MRTFB: variants seen among roughly 807,000 people sequenced by gnomAD.
The protein encoded by MRTFB is myocardin related transcription factor B.
In MRTFB, 29 loss-of-function variants were observed where a neutral mutation model predicts 104.2. The ratio of observed to expected loss-of-function variants is 0.28; its 90% CI spans 0.21 to 0.38. The LOEUF is 0.38. MRTFB is among the 10% of genes least tolerant of loss of function. MRTFB has a pLI of 1.00. For synonymous variants in MRTFB, 535 were observed against 519.5 expected (o/e 1.03, Z -0.41); for missense variants, 1,270 against 1,341.6 (o/e 0.95, Z 0.83).
At chr16:14,049,911 T>C in the MRTFB span, among the ~76,000 whole-genome samples, 8 of 152,210 alleles carry the variant, frequency 5.3e-5, no homozygotes, top group Admixed American at 4.6e-4. Context: ...TTTTGTGTTT[T>C]TAGTAGAGAC....
At position 14,184,072 on chromosome 16, in the gene MRTFB, TAAAAAAAAAA is replaced by T. The variant is rs71757134; in HGVS notation, c.155-26158_155-26149del. 6.6e-5 allele frequency among the ~76,000 whole-genome samples: 8 copies of T among 121,770 alleles called. No homozygotes were observed. In the East Asian group the frequency reaches 1.3e-3, roughly 19 times the overall value. 79.9% of individuals were successfully genotyped at this position (121,770 alleles called of 152,430 possible). A position where few individuals can be genotyped will look rare whatever the true frequency, so the allele number is the denominator to read the frequency against. ...GATTTAAAAGCAACATCCTGAAATT[TAAAAAAAAAA>T]AAAAAAAAAAAAGTTGGCATTTATT... On this transcript the variant is annotated intron_variant, in intron 3 of 16. Coordinates refer to ENST00000571589, the MANE Select transcript of MRTFB (RefSeq NM_001308142.2).
intron 3 of MRTFB, among the ~76,000 whole-genome samples, chr16:14,197,741 G>T (rs34183481): frequency 2.0e-5 from 3 of 152,062 alleles, no homozygotes; most frequent in Non-Finnish European, 2.9e-5. Flanking sequence ...GATATCTAGC[G>T]TGCAGTGTGA....
chr16:14,167,282 T>C (rs1371677792), intron 3 of MRTFB, among the ~76,000 whole-genome samples: 1 of 152,218 alleles, frequency 6.6e-6, no homozygotes, highest in African/African-American at 2.4e-5. Flanking sequence ...TTTCCAGATG[T>C]TTGTTGTTTG....
At chr16:14,236,807 T>G (rs893983413) in intron 9 of MRTFB, among the ~76,000 whole-genome samples, 1 of 152,106 alleles carries the variant, frequency 6.6e-6, no homozygotes, top group Admixed American at 6.6e-5. Context: ...ATTTTTGAGC[T>G]GATATGTTAG....
rs541630382 is a variant in MRTFB at position 14,072,067 on chromosome 16, A to G, written c.-129+702A>G. Among the ~76,000 whole-genome samples the G allele has an allele frequency of 6.6e-5, 10 of 152,256 alleles. No individual in the cohort carries two copies. The East Asian group carries it at 7.8e-4, about 12-fold the overall frequency. The stretch of plus-strand genomic sequence containing the variant: ...TGCTGGTAGTGGGGTGTCAGGCCCA[A>G]TGAAGTGGAATATTGGAGCCCAGGG... On this transcript the variant is annotated intron_variant, in intron 1 of 16. Transcript: ENST00000571589.
chr16:14,209,038 T>C (rs1396619465), intron 3 of MRTFB, among the ~76,000 whole-genome samples: 1 of 152,192 alleles, frequency 6.6e-6, no homozygotes, highest in Non-Finnish European at 1.5e-5. Context: ...TGATAAAATA[T>C]TTTTAAAAGC....
chr16:14,191,106 A>G (rs553433978), intron 3 of MRTFB, among the ~76,000 whole-genome samples: 1 of 152,368 alleles, frequency 6.6e-6, no homozygotes, highest in Admixed American at 6.5e-5. Context: ...TTTTTAAATG[A>G]TGGAAGTTAT....
the MRTFB span, among the ~76,000 whole-genome samples, chr16:14,059,774 G>C: frequency 6.6e-6 from 1 of 152,118 alleles, no homozygotes; most frequent in Non-Finnish European, 1.5e-5. Flanking sequence ...GAGAAGCTTG[G>C]AGTTGGCTAG....
chr16:14,112,755 C>T (rs1332565773), intron 2 of MRTFB, among the ~76,000 whole-genome samples: 1 of 152,216 alleles, frequency 6.6e-6, no homozygotes, highest in Non-Finnish European at 1.5e-5. Context: ...TTTGCACTTG[C>T]TATTGCCATC....
chr16:14,236,795 A>G lies in MRTFB; in HGVS notation c.831+2512A>G, dbSNP rs1032480468. Among the ~76,000 whole-genome samples the G allele has an allele frequency of 6.6e-5, 10 of 152,338 alleles. No homozygotes were observed. In the East Asian group the frequency reaches 1.9e-3, roughly 29 times the overall value. On this transcript the variant is annotated intron_variant, in intron 9 of 16. Coordinates refer to ENST00000571589, the MANE Select transcript of MRTFB (RefSeq NM_001308142.2). ...ACTGCTAAGGGAAGGAGCTGCTGTAACATTTTTGAGCTGATATGTTAGAAA... is the reference window on the plus strand; with the variant it reads ...ACTGCTAAGGGAAGGAGCTGCTGTAGCATTTTTGAGCTGATATGTTAGAAA...
chr16:14,191,944 A>G (rs1181843867), intron 3 of MRTFB: 1 of 152,220 alleles, frequency 6.6e-6, no homozygotes, highest in African/African-American at 2.4e-5. Context: ...AATGGTTAAA[A>G]CATATAGAAG....
chr16:14,023,959 G>A, the MRTFB span, among the ~76,000 whole-genome samples: 1 of 151,928 alleles, frequency 6.6e-6, no homozygotes, highest in African/African-American at 2.4e-5. Context: ...GCTGAGGCAG[G>A]AGAGTCACTT....
chr16:14,027,178 C>T, the MRTFB span, among the ~76,000 whole-genome samples: 2 of 152,106 alleles, frequency 1.3e-5, no homozygotes, highest in Non-Finnish European at 2.9e-5. Flanking sequence ...GACAGATAAG[C>T]CAACTGCTAC....
the MRTFB span, among the ~76,000 whole-genome samples, chr16:14,034,247 G>A: frequency 1.7e-3 from 266 of 152,328 alleles, 1 homozygote; most frequent in South Asian, 9.3e-3. Flanking sequence ...GTTCCTTCTG[G>A]AAGCTGTGAG....
intron 2 of MRTFB, among the ~76,000 whole-genome samples, chr16:14,088,020 G>A (rs1460816459): frequency 6.6e-6 from 1 of 152,116 alleles, no homozygotes; most frequent in Non-Finnish European, 1.5e-5. Context: ...CTTAATTCAT[G>A]GCTTTGTTAC....
chr16:14,223,711 TAAG>T (rs2041854477), intron 8 of MRTFB, among the ~76,000 whole-genome samples: 1 of 152,016 alleles, frequency 6.6e-6, no homozygotes. Flanking sequence ...AACAGAGACT[TAAG>T]AGACTTATAG....
intron 8 of MRTFB, among the ~76,000 whole-genome samples, chr16:14,224,940 A>G (rs2041930902): frequency 6.6e-6 from 1 of 152,234 alleles, no homozygotes; most frequent in Non-Finnish European, 1.5e-5. Flanking sequence ...ATCCCAGCAC[A>G]CTTTGGGAGG....
chr16:14,063,360 GT>G, the MRTFB span, among the ~76,000 whole-genome samples: 1 of 152,114 alleles, frequency 6.6e-6, no homozygotes, highest in Non-Finnish European at 1.5e-5. Flanking sequence ...ATAATCTATT[GT>G]TTTTTAAATT....
chr16:14,012,417 GCC>G, the MRTFB span, among the ~76,000 whole-genome samples: 3 of 149,496 alleles, frequency 2.0e-5, no homozygotes, highest in Non-Finnish European at 4.4e-5. Context: ...TCCTGCCTCA[GCC>G]TCCCAAGTAG....
Sources: gnomAD v4.1 joint callset for allele counts (sites outside exome capture counted in the v4.1 genomes callset) on GRCh38, gnomAD v4.1.1 for gene constraint, MANE v1.5 for transcripts, NCBI Gene and HGNC (gene_info 2026-07-23, HGNC 2026-07-21) for gene names.